NLGN4X: variants seen among roughly 807,000 people sequenced by gnomAD.
NLGN4X encodes neuroligin 4 X-linked, also known as neuroligin-4, X-linked.
In NLGN4X, 3 loss-of-function variants were observed where a neutral mutation model predicts 40.3. The ratio of observed to expected loss-of-function variants is 0.07; its 90% CI spans 0.03 to 0.19. NLGN4X has a LOEUF of 0.19. NLGN4X is among the 10% of genes least tolerant of loss of function. The pLI, the probability that NLGN4X is intolerant of heterozygous loss-of-function variation, is 1.00. For missense variants in NLGN4X, 382 were observed against 708.3 expected (o/e 0.54, Z 5.23); for synonymous variants, 270 against 306.8 (o/e 0.88, Z 1.25).
intron 3 of NLGN4X, among the ~76,000 whole-genome samples, chrX:5,942,411 C>T (rs2033977612): frequency 8.9e-6 from 1 of 111,758 alleles, no homozygotes. Flanking sequence ...GCATGACATG[C>T]TGGGCATGGT....
intron 3 of NLGN4X, among the ~76,000 whole-genome samples, chrX:5,998,344 A>G (rs953982445): frequency 9.5e-6 from 1 of 105,364 alleles, no homozygotes; most frequent in Non-Finnish European, 1.9e-5. Flanking sequence ...TGGGAGGCAG[A>G]GGTTGCAGTG....
chrX:6,135,445 C>A (rs915822296), intron 2 of NLGN4X, among the ~76,000 whole-genome samples: 1 of 111,721 alleles, frequency 9.0e-6, no homozygotes, highest in Non-Finnish European at 1.9e-5. Context: ...AGCAGCCATG[C>A]CATTCTTTCT....
chrX:6,038,930 G>A (rs2037089142), intron 2 of NLGN4X, among the ~76,000 whole-genome samples: 2 of 110,653 alleles, frequency 1.8e-5, no homozygotes, highest in African/African-American at 6.6e-5. Context: ...CATCAGCAGA[G>A]TCATACTTTG....
At chrX:5,986,946 A>G (rs999275775) in intron 3 of NLGN4X, among the ~76,000 whole-genome samples, 2 of 112,418 alleles carry the variant, frequency 1.8e-5, no homozygotes, top group Admixed American at 1.9e-4. Flanking sequence ...ATACAGTTGA[A>G]GATTTGAACC....
chrX:6,027,908 C>T (rs2036750974), intron 3 of NLGN4X, among the ~76,000 whole-genome samples: 1 of 109,200 alleles, frequency 9.2e-6, no homozygotes, highest in South Asian at 4.0e-4. Flanking sequence ...CCTCGACCTA[C>T]TGGGTTCCAG....
chrX:5,950,780 C>T (rs371554009), intron 3 of NLGN4X, among the ~76,000 whole-genome samples: 1 of 111,777 alleles, frequency 8.9e-6, no homozygotes, highest in African/African-American at 3.3e-5. Flanking sequence ...AAACTCCTTG[C>T]CTCACTGTGA....
intron 1 of NLGN4X, among the ~76,000 whole-genome samples, chrX:6,211,350 A>G (rs911897801): frequency 8.9e-6 from 1 of 111,875 alleles, no homozygotes; most frequent in Admixed American, 9.5e-5. Flanking sequence ...ACATTAGAGG[A>G]GCAAAAACAT....
intron 1 of NLGN4X, among the ~76,000 whole-genome samples, chrX:6,207,097 G>A (rs1192780029): frequency 9.0e-6 from 1 of 111,071 alleles, no homozygotes; most frequent in Non-Finnish European, 1.9e-5. Flanking sequence ...TGGGAATTGA[G>A]AAAATGCAAC....
intron 2 of NLGN4X, among the ~76,000 whole-genome samples, chrX:6,102,616 AAGAG>A (rs10699626): frequency 9.4e-5 from 10 of 106,402 alleles, no homozygotes; most frequent in African/African-American, 1.7e-4. Context: ...TTGCTGAACT[AAGAG>A]AGAGAGAGAG....
At chrX:5,974,447 A>G (rs190835502) in intron 3 of NLGN4X, among the ~76,000 whole-genome samples, 11 of 111,975 alleles carry the variant, frequency 9.8e-5, no homozygotes, top group Admixed American at 9.5e-4. Context: ...ACTCTAAACC[A>G]TGAATTTAAA....
chrX:6,168,737 G>T (rs2040546242), intron 1 of NLGN4X, among the ~76,000 whole-genome samples: 1 of 111,320 alleles, frequency 9.0e-6, no homozygotes, highest in Admixed American at 9.6e-5. Flanking sequence ...CTCCCAAAGT[G>T]CTGGGATTAT....
intron 3 of NLGN4X, among the ~76,000 whole-genome samples, chrX:5,977,523 C>CTTA (rs1419988050): frequency 9.0e-6 from 1 of 111,086 alleles, no homozygotes; most frequent in Non-Finnish European, 1.9e-5. Flanking sequence ...TGTCCAGCCA[C>CTTA]TTATTATTAA....
chrX:6,041,984 A>C (rs2037171675), intron 2 of NLGN4X, among the ~76,000 whole-genome samples: 1 of 112,299 alleles, frequency 8.9e-6, no homozygotes, highest in African/African-American at 3.2e-5. Context: ...ATAATTCATG[A>C]CGTGGCAATA....
chrX:6,207,870 A>G (rs1278847964), intron 1 of NLGN4X, among the ~76,000 whole-genome samples: 1 of 112,249 alleles, frequency 8.9e-6, no homozygotes, highest in Non-Finnish European at 1.9e-5. Context: ...GTCACTTATG[A>G]CAAATGTTAT....
intron 2 of NLGN4X, among the ~76,000 whole-genome samples, chrX:6,116,992 A>G (rs1049105907): frequency 1.8e-5 from 2 of 111,674 alleles, no homozygotes; most frequent in Admixed American, 1.9e-4. Flanking sequence ...CTTTTTCCAC[A>G]TAAGAAAATC....
At chrX:6,222,126 T>G (rs142386981) in intron 1 of NLGN4X, among the ~76,000 whole-genome samples, 317 of 111,319 alleles carry the variant, frequency 2.8e-3, no homozygotes, top group Non-Finnish European at 5.2e-3. Context: ...TAAGTTTCAC[T>G]CCTGAAAAAG....
intron 2 of NLGN4X, among the ~76,000 whole-genome samples, chrX:6,123,753 A>AG: frequency 9.1e-6 from 1 of 110,248 alleles, no homozygotes; most frequent in East Asian, 2.8e-4. Flanking sequence ...ACTATAAGGA[A>AG]AAAAAAACAG....
At chrX:6,173,113 T>C (rs1357354911) in intron 1 of NLGN4X, among the ~76,000 whole-genome samples, 1 of 112,447 alleles carries the variant, frequency 8.9e-6, no homozygotes, top group African/African-American at 3.2e-5. Context: ...TGGGTCCTTC[T>C]ATTCTGAGTT....
intron 2 of NLGN4X, among the ~76,000 whole-genome samples, chrX:6,140,776 G>A (rs1006955115): frequency 9.5e-6 from 1 of 105,194 alleles, no homozygotes; most frequent in African/African-American, 3.5e-5. Context: ...ACAGGGTTTT[G>A]TCATGTTGCC....
Sources: gnomAD v4.1 joint callset for allele counts (sites outside exome capture counted in the v4.1 genomes callset) on GRCh38, gnomAD v4.1.1 for gene constraint, MANE v1.5 for transcripts, NCBI Gene and HGNC (gene_info 2026-07-23, HGNC 2026-07-21) for gene names.